The following MKLN1 variants were observed in gnomAD, a reference collection of about 807,000 sequenced individuals.
MKLN1 encodes the protein muskelin.
In MKLN1, 18 loss-of-function variants were observed where a neutral mutation model predicts 99.0. The ratio of observed to expected loss-of-function variants is 0.18; its 90% CI spans 0.13 to 0.27. MKLN1 has a LOEUF of 0.27. Ranked by LOEUF, MKLN1 falls within the 10% of genes least tolerant of loss-of-function variation. The probability of loss-of-function intolerance (pLI) is 1.00; values close to 1 mark genes in which losing one functional copy is unlikely to be tolerated. For missense variants in MKLN1, 621 were observed against 875.9 expected (o/e 0.71, Z 3.67); for synonymous variants, 288 against 293.2 (o/e 0.98, Z 0.18).
At chr7:131,264,697 G>C (rs1006703909) in intron 3 of MKLN1, among the ~76,000 whole-genome samples, 5 of 151,436 alleles carry the variant, frequency 3.3e-5, no homozygotes, top group Admixed American at 1.3e-4. Context: ...TTTGTTTTTT[G>C]TTTTTGCAGT....
intron 3 of MKLN1, among the ~76,000 whole-genome samples, chr7:131,226,092 C>T (rs952071903): frequency 6.7e-6 from 1 of 150,284 alleles, no homozygotes; most frequent in Admixed American, 6.7e-5. Flanking sequence ...CTAGGTGACA[C>T]CTTTTGCTTC....
rs111508671 is a variant in MKLN1 at position 131,435,576 on chromosome 7, G to C, written c.961-2209G>C. 3.5e-3 allele frequency among the ~76,000 whole-genome samples: 534 copies of C among 152,146 alleles called. 2 individuals carry two copies. The highest frequency in any genetic ancestry group is 0.012 in the African/African-American group (508 of 41,532). On this transcript the variant is annotated intron_variant, in intron 9 of 17. Transcript: ENST00000352689. ...GGGCAATTATGAATTCAGTTTTTCA[G>C]TATGTGTAATTCCTTCAGATTTTCC...
At chr7:131,215,955 C>A (rs986000335) in intron 3 of MKLN1, among the ~76,000 whole-genome samples, 5 of 152,124 alleles carry the variant, frequency 3.3e-5, no homozygotes, top group African/African-American at 1.2e-4. Context: ...GTTTACCACC[C>A]GCTCCCCTCA....
chr7:131,351,764 A>G (rs1799726635), intron 1 of MKLN1, among the ~76,000 whole-genome samples: 2 of 152,192 alleles, frequency 1.3e-5, no homozygotes, highest in African/African-American at 4.8e-5. Flanking sequence ...GGTGCCATAT[A>G]CTTTGTATTT....
At chr7:131,232,271 C>T (rs557187001) in intron 3 of MKLN1, among the ~76,000 whole-genome samples, 1 of 152,146 alleles carries the variant, frequency 6.6e-6, no homozygotes, top group Non-Finnish European at 1.5e-5. Context: ...GATGTCAGAA[C>T]AAAAAATTAT....
At chr7:131,210,911 A>G (rs541736353) in intron 3 of MKLN1, among the ~76,000 whole-genome samples, 1 of 151,444 alleles carries the variant, frequency 6.6e-6, no homozygotes, top group East Asian at 2.0e-4. Flanking sequence ...GAAATACAGT[A>G]TACTGGGTTG....
At chr7:131,163,297 G>A (rs1796081228) in intron 2 of MKLN1, among the ~76,000 whole-genome samples, 1 of 152,194 alleles carries the variant, frequency 6.6e-6, no homozygotes, top group African/African-American at 2.4e-5. Context: ...TGCAGTTGGA[G>A]GAAATTGCCT....
At chr7:131,126,903 C>T (rs891618440) in intron 1 of MKLN1, among the ~76,000 whole-genome samples, 2 of 152,056 alleles carry the variant, frequency 1.3e-5, no homozygotes, top group African/African-American at 4.8e-5. Flanking sequence ...TGGTGGCTTA[C>T]GCCTGTAATC....
chr7:131,350,746 A>G (rs1419021256), intron 1 of MKLN1, among the ~76,000 whole-genome samples: 1 of 152,182 alleles, frequency 6.6e-6, no homozygotes, highest in Non-Finnish European at 1.5e-5. Context: ...ATGTCCCATC[A>G]CCTTTGCCAT....
In MKLN1 at chr7:131,469,248, G is replaced by GGACA. The variant is rs372084192; in HGVS notation, c.1929-1587_1929-1584dup. 2.6e-3 allele frequency among the ~76,000 whole-genome samples: 399 copies of GGACA among 152,146 alleles called. 3 individuals are homozygous for GGACA. The highest frequency in any genetic ancestry group is 8.8e-3 in the African/African-American group (366 of 41,496). On this transcript the variant is annotated intron_variant, in intron 15 of 17. Coordinates refer to ENST00000352689, the MANE Select transcript of MKLN1 (RefSeq NM_013255.5). ...TGGCCGGCCGGCCAGACGGACGGAC[G>GGACA]GACAGACAGAATCTGCCATCTCATG...
chr7:131,443,431 T>TA, intron 10 of MKLN1, 50 bp from the exon 11 acceptor site: 2 of 1,371,300 alleles, frequency 1.5e-6, no homozygotes, highest in Non-Finnish European at 2.1e-6. Flanking sequence ...TTTTAGCACA[T>TA]ATGACAGGAA....
At chr7:131,224,876 A>T (rs1046896420) in intron 3 of MKLN1, among the ~76,000 whole-genome samples, 1 of 151,878 alleles carries the variant, frequency 6.6e-6, no homozygotes, top group African/African-American at 2.4e-5. Context: ...AATCGAGACC[A>T]TCCTGGCTAA....
chr7:131,218,598 T>A (rs912394913), intron 3 of MKLN1, among the ~76,000 whole-genome samples: 1 of 152,232 alleles, frequency 6.6e-6, no homozygotes, highest in Non-Finnish European at 1.5e-5. Context: ...GTAATTTTTG[T>A]ATAGGTGGTT....
At chr7:131,330,057 A>C (rs1031238900) in intron 1 of MKLN1, among the ~76,000 whole-genome samples, 4 of 152,106 alleles carry the variant, frequency 2.6e-5, no homozygotes, top group African/African-American at 9.7e-5. Context: ...GGAGTTGGAG[A>C]ATATTGTGTC....
chr7:131,280,320 T>C (rs186599755), intron 3 of MKLN1, among the ~76,000 whole-genome samples: 74 of 152,318 alleles, frequency 4.9e-4, no homozygotes, highest in African/African-American at 1.8e-3. Flanking sequence ...GGTATATATA[T>C]GGCTAGGAGT....
chr7:131,332,258 C>A (rs1016228730), intron 1 of MKLN1, among the ~76,000 whole-genome samples: 1 of 150,300 alleles, frequency 6.7e-6, no homozygotes, highest in Admixed American at 6.6e-5. Context: ...AAACATACCC[C>A]ATCTCTACAA....
intron 3 of MKLN1, among the ~76,000 whole-genome samples, chr7:131,299,301 T>C (rs563747646): frequency 1.2e-4 from 19 of 152,358 alleles, no homozygotes; most frequent in African/African-American, 4.6e-4. Flanking sequence ...TCTTTTTACA[T>C]TGATGTCAGC....
In MKLN1 at chr7:131,491,491, C is replaced by G. The variant is rs1254318450; in HGVS notation, c.*3763C>G. On this transcript the variant is annotated 3_prime_UTR_variant, in exon 18 of 18. Transcript: ENST00000352689. ...TCCTTATTAGTCAAATAACGCTATT[C>G]TTTTGTGGTTCTAGACCCTGGCTTC... 6.6e-6 allele frequency: 1 copy of G among 152,106 alleles called. No homozygotes were observed. Among genetic ancestry groups the G allele is most frequent in the Non-Finnish European group, 1.5e-5 (1 of 68,000 alleles). The allele number at this position is 152,106 out of a possible 1,614,324, so 9.4% of individuals were successfully genotyped here.
intron 12 of MKLN1, among the ~76,000 whole-genome samples, chr7:131,447,481 C>T (rs1158819048): frequency 6.6e-6 from 1 of 152,132 alleles, no homozygotes; most frequent in East Asian, 1.9e-4. Context: ...GAGAGGACTG[C>T]TTGAGCCCAG....
Sources: allele counts gnomAD v4.1 joint callset (sites outside exome capture counted in the v4.1 genomes callset), GRCh38; gene constraint gnomAD v4.1.1; transcripts MANE v1.5; gene names NCBI Gene and HGNC (gene_info 2026-07-23, HGNC 2026-07-21).